COG2: variants seen among roughly 807,000 people sequenced by gnomAD.
COG2 encodes conserved oligomeric Golgi complex subunit 2.
COG2 carries 52 observed loss-of-function variants against 90.6 expected under a neutral mutation model. The ratio of observed to expected loss-of-function variants is 0.57; its 90% CI spans 0.46 to 0.72. The LOEUF (loss-of-function observed/expected upper bound fraction) is 0.72, where lower values mean the gene tolerates loss of function less well. Among genes scored for constraint, COG2 ranks in the 30% least tolerant of loss-of-function variants. COG2 has a pLI of 0.00. For missense variants in COG2, 829 were observed against 891.2 expected (o/e 0.93, Z 0.89); for synonymous variants, 337 against 320.4 (o/e 1.05, Z -0.55).
intron 5 of COG2, among the ~76,000 whole-genome samples, chr1:230,667,930 G>A (rs1005353588): frequency 2.0e-5 from 3 of 152,018 alleles, no homozygotes; most frequent in Non-Finnish European, 2.9e-5. Flanking sequence ...TAATATGTTT[G>A]GGGGGAAAAA....
intron 16 of COG2, 99 bp downstream of exon 16, chr1:230,690,252 G>C: frequency 2.4e-5 from 25 of 1,020,730 alleles, no homozygotes; most frequent in Non-Finnish European, 3.2e-5. Flanking sequence ...AAGGCAGTGA[G>C]ACTGCCTAGC....
chr1:230,663,357 T>A, intron 4 of COG2, 136 bp downstream of exon 4: 1 of 360,012 alleles, frequency 2.8e-6, no homozygotes, highest in Non-Finnish European at 5.1e-6. Context: ...TCTTTTATAT[T>A]AAAGTGTTTA....
At chr1:230,692,877 A>G (rs1394212127) in intron 17 of COG2, among the ~76,000 whole-genome samples, 1 of 151,970 alleles carries the variant, frequency 6.6e-6, no homozygotes, top group African/African-American at 2.4e-5. Context: ...TGCCAAACAA[A>G]GTGTTTTCAA....
At position 230,642,610 on chromosome 1, in the gene COG2, G is replaced by T; in HGVS notation, c.4G>T (p.Glu2Ter). 6.2e-7 allele frequency: 1 copy of T among 1,612,316 alleles called. No individual in the cohort carries two copies. Among genetic ancestry groups the T allele is most frequent in the Non-Finnish European group, 8.5e-7 (1 of 1,179,350 alleles). Residue 2 changes from glutamate to a stop codon, truncating the protein, a stop_gained, in exon 1 of 18, where the codon GAG becomes TAG. Transcript: ENST00000366669. LOFTEE classifies it high-confidence loss of function. ...CTGAGAGGCGGTGGCCGGCGGGATG[G>T]AGAAAAGTAGGATGAACCTGCCCAA... The part of the protein sequence containing the change: M[E>*]KSRMNLPKGP...
chr1:230,655,327 A>C (rs150917777), intron 1 of COG2, among the ~76,000 whole-genome samples: 3 of 152,186 alleles, frequency 2.0e-5, no homozygotes, highest in Non-Finnish European at 2.9e-5. Context: ...AATTTTGACA[A>C]AGGCCTTTTC....
At chr1:230,679,319 C>CA in intron 10 of COG2, 1 of 299,166 alleles carries the variant, frequency 3.3e-6, no homozygotes, top group East Asian at 5.5e-5. Flanking sequence ...AGCCCAGCCT[C>CA]ATTCCCACCC....
Position 230,642,651 on chromosome 1 carries a change from C to T in COG2, c.45C>T (p.Leu15=). The T allele has an allele frequency of 1.2e-6, 2 of 1,613,086 alleles. No homozygotes were observed. Among genetic ancestry groups the T allele is most frequent in the Middle Eastern group, 1.7e-4 (1 of 6,058 alleles). The change falls in exon 1 of 18, where the codon CTC becomes CTT. Residue 15 remains leucine, a synonymous_variant. Coordinates refer to ENST00000366669, the MANE Select transcript of COG2 (RefSeq NM_007357.3). Reference sequence around the variant, plus strand: ...ACCTGCCCAAGGGGCCGGACACGCTCTGCTTCGACAAGGACGAGTTCATGA... The same window carrying T: ...ACCTGCCCAAGGGGCCGGACACGCTTTGCTTCGACAAGGACGAGTTCATGA... ...RMNLPKGPDT[L]CFDKDEFMKE...
Position 230,671,564 on chromosome 1 carries a change from A to G in COG2, c.823A>G (p.Met275Val). The change falls in exon 8 of 18, where the codon ATG becomes GTG. Residue 275 changes from methionine to valine, a missense_variant. Physicochemically the swap from Met to Val is conservative, Grantham distance 21. Coordinates refer to ENST00000366669, the MANE Select transcript of COG2 (RefSeq NM_007357.3). Reference protein sequence around the residue: ...VESHPNGLQVMYNKLLEFVPH... With the variant: ...VESHPNGLQVVYNKLLEFVPH... The stretch of plus-strand genomic sequence containing the variant: ...ATCTCATCCCAATGGCCTTCAGGTC[A>G]TGTATAATAAACTCCTGGAGTTTGT... 2 of 1,613,718 alleles carry G rather than the reference A, an allele frequency of 1.2e-6. No individual in the cohort carries two copies. Among genetic ancestry groups the G allele is most frequent in the Non-Finnish European group, 1.7e-6 (2 of 1,179,664 alleles).
At chr1:230,668,556 C>T in intron 5 of COG2, 120 bp from the exon 6 acceptor site, 1 of 622,108 alleles carries the variant, frequency 1.6e-6, no homozygotes, top group Non-Finnish European at 2.8e-6. Context: ...CCACATAAAA[C>T]ACTCTGACAA....
At chr1:230,662,662 C>T (rs1662207132) in intron 3 of COG2, among the ~76,000 whole-genome samples, 1 of 152,194 alleles carries the variant, frequency 6.6e-6, no homozygotes, top group Admixed American at 6.5e-5. Context: ...ATTAACCCTT[C>T]CTGTTTTATT....
At chr1:230,682,613 A>C (rs1662778493) in intron 10 of COG2, 1 of 152,178 alleles carries the variant, frequency 6.6e-6, no homozygotes, top group African/African-American at 2.4e-5. Context: ...TTTTTGTCTC[A>C]AGCTGTTCTT....
intron 4 of COG2, 44 bp from the exon 5 acceptor site, chr1:230,664,434 AATTAAG>A (rs1662264859): frequency 3.7e-6 from 3 of 818,338 alleles, no homozygotes; most frequent in Non-Finnish European, 5.6e-6. Flanking sequence ...GAAATAAGAA[AATTAAG>A]ATTAAACATG....
chr1:230,692,832 G>A (rs1213653467), intron 17 of COG2, among the ~76,000 whole-genome samples: 1 of 151,890 alleles, frequency 6.6e-6, no homozygotes, highest in Non-Finnish European at 1.5e-5. Context: ...AGTGTGCCAT[G>A]TCTCGGTGAC....
intron 15 of COG2, 104 bp from the exon 16 acceptor site, chr1:230,689,910 C>A: frequency 8.4e-7 from 1 of 1,189,794 alleles, no homozygotes; most frequent in Non-Finnish European, 1.2e-6. Flanking sequence ...TGTCTCAAAA[C>A]TAGAACGTTA....
At chr1:230,662,348 A>G (rs933701775) in intron 3 of COG2, among the ~76,000 whole-genome samples, 1 of 152,214 alleles carries the variant, frequency 6.6e-6, no homozygotes. Flanking sequence ...ATTGGCTTGC[A>G]CAATAGCTGG....
In COG2 at chr1:230,678,297, T is replaced by G. The variant is rs112596565; in HGVS notation, c.1027-616T>G. ...TCAACAGAAGAAGAAGCATCATTTG[T>G]AAAATGGGGATGATGATGATGATGA... On this transcript the variant is annotated intron_variant, in intron 9 of 17. Coordinates refer to ENST00000366669, the MANE Select transcript of COG2 (RefSeq NM_007357.3). 2,982 of 985,328 alleles carry G rather than the reference T, an allele frequency of 3.0e-3. 54 individuals are homozygous for G. In the African/African-American group the frequency reaches 0.048, roughly 16 times the overall value. 61.0% of individuals were successfully genotyped at this position (985,328 alleles called of 1,614,324 possible).
intron 12 of COG2, among the ~76,000 whole-genome samples, chr1:230,686,172 G>GAT (rs1423200186): frequency 6.6e-6 from 1 of 152,214 alleles, no homozygotes; most frequent in African/African-American, 2.4e-5. Flanking sequence ...CTGTTGTGAG[G>GAT]ATTTATTTGG....
chr1:230,662,733 A>G (rs1379768912), intron 3 of COG2, among the ~76,000 whole-genome samples: 1 of 152,138 alleles, frequency 6.6e-6, no homozygotes, highest in Non-Finnish European at 1.5e-5. Context: ...CTGGTCCTGA[A>G]ATATGTCATT....
chr1:230,649,547 C>T (rs1456222246), intron 1 of COG2, among the ~76,000 whole-genome samples: 4 of 152,142 alleles, frequency 2.6e-5, no homozygotes, highest in African/African-American at 7.2e-5. Context: ...TAGCACTTAC[C>T]ACTATTCATA....
Sources: gnomAD v4.1 joint callset for allele counts (sites outside exome capture counted in the v4.1 genomes callset) on GRCh38, gnomAD v4.1.1 for gene constraint, MANE v1.5 for transcripts, NCBI Gene and HGNC (gene_info 2026-07-23, HGNC 2026-07-21) for gene names.